The following LYN variants were observed in gnomAD, a reference collection of about 807,000 sequenced individuals.
LYN encodes the protein tyrosine-protein kinase Lyn.
Under a neutral mutation model 65.0 loss-of-function variants are expected in LYN, and 12 were observed. That is an observed-to-expected ratio of 0.18 (90% CI 0.12 to 0.30). The LOEUF (loss-of-function observed/expected upper bound fraction) is 0.30. Among genes scored for constraint, LYN ranks in the 10% least tolerant of loss-of-function variants. LYN has a pLI of 1.00. For missense variants in LYN, 380 were observed against 623.2 expected (o/e 0.61, Z 4.16); for synonymous variants, 222 against 221.2 (o/e 1.00, Z -0.03).
At chr8:55,937,372 AT>A (rs1563518764) in intron 1 of LYN, among the ~76,000 whole-genome samples, 1 of 152,156 alleles carries the variant, frequency 6.6e-6, no homozygotes, top group Non-Finnish European at 1.5e-5. Flanking sequence ...TGTATATATA[AT>A]TTTTTCAATC....
At position 55,984,783 on chromosome 8, in the gene LYN, T is replaced by C. The variant is rs560080323; in HGVS notation, c.1051-13563T>C. Among the ~76,000 whole-genome samples, 5 of 152,394 alleles carry C rather than the reference T, an allele frequency of 3.3e-5. No homozygotes were observed. In the South Asian group the frequency reaches 1.0e-3, roughly 32 times the overall value. On this transcript the variant is annotated intron_variant, in intron 10 of 12. Transcript: ENST00000519728. ...CAGTTCTTCTTGGCTTCACTCGGAA[T>C]GCAGGGGGAAGCCCCCATAAGGCCA...
intron 10 of LYN, among the ~76,000 whole-genome samples, chr8:55,972,938 G>A (rs991936939): frequency 2.2e-4 from 33 of 152,296 alleles, no homozygotes; most frequent in African/African-American, 4.8e-4. Flanking sequence ...TTCCATAACC[G>A]TTGTCAATAG....
chr8:55,914,908 A>G (rs1291018319), intron 1 of LYN, among the ~76,000 whole-genome samples: 1 of 152,150 alleles, frequency 6.6e-6, no homozygotes, highest in East Asian at 1.9e-4. Flanking sequence ...TTCAGGGACA[A>G]CTCAACTTGA....
At chr8:55,947,361 G>A (rs767252080) in intron 3 of LYN, among the ~76,000 whole-genome samples, 33 of 152,210 alleles carry the variant, frequency 2.2e-4, no homozygotes, top group Non-Finnish European at 3.4e-4. Flanking sequence ...GAACATGGGT[G>A]TATAATTTCT....
Position 55,950,666 on chromosome 8 carries a change from G to A in LYN, c.384-15G>A. The A allele has an allele frequency of 1.9e-6, 3 of 1,602,688 alleles. No individual in the cohort carries two copies. Among genetic ancestry groups the A allele is most frequent in the Non-Finnish European group, 2.6e-6 (3 of 1,169,732 alleles). On this transcript the variant is annotated splice_polypyrimidine_tract_variant and intron_variant, in intron 5 of 12. Transcript: ENST00000519728. ...TGGAACATAATATGCAGGAAATGTT[G>A]AAATGTCTTCACAGGTGGTTTTTCA... is the stretch of plus-strand genomic sequence containing the variant.
At chr8:55,976,857 A>T (rs1357766992) in intron 10 of LYN, among the ~76,000 whole-genome samples, 1 of 152,032 alleles carries the variant, frequency 6.6e-6, no homozygotes, top group East Asian at 1.9e-4. Flanking sequence ...ATATGGAGAG[A>T]ACAGCTTAGG....
At chr8:55,885,839 G>A (rs773056987) in intron 1 of LYN, among the ~76,000 whole-genome samples, 13 of 152,052 alleles carry the variant, frequency 8.5e-5, no homozygotes, top group African/African-American at 1.9e-4. Flanking sequence ...TCCACCCCAG[G>A]CCCCTGGGTC....
At chr8:55,908,396 C>G (rs1337604706) in intron 1 of LYN, among the ~76,000 whole-genome samples, 1 of 151,854 alleles carries the variant, frequency 6.6e-6, no homozygotes, top group Non-Finnish European at 1.5e-5. Flanking sequence ...AGGCACCCCC[C>G]ACCGCGACCT....
intron 10 of LYN, among the ~76,000 whole-genome samples, chr8:55,985,027 G>T (rs548768495): frequency 2.6e-5 from 4 of 152,188 alleles, no homozygotes; most frequent in African/African-American, 9.7e-5. Context: ...TGAATAAGCC[G>T]CAGGGGTCCT....
chr8:55,901,734 A>G (rs1331183153), intron 1 of LYN, among the ~76,000 whole-genome samples: 1 of 152,214 alleles, frequency 6.6e-6, no homozygotes, highest in Non-Finnish European at 1.5e-5. Context: ...TAGACTGACC[A>G]CTTCAGATAT....
intron 1 of LYN, among the ~76,000 whole-genome samples, chr8:55,906,761 A>G (rs956368630): frequency 1.2e-4 from 18 of 152,006 alleles, no homozygotes; most frequent in African/African-American, 4.1e-4. Context: ...GAGAGAGAGA[A>G]ATAAATGAAA....
Position 56,013,315 on chromosome 8 carries a change from A to G in LYN, c.*3205A>G, listed in dbSNP as rs1808865809. On this transcript the variant is annotated 3_prime_UTR_variant, in exon 13 of 13. Coordinates refer to ENST00000519728, the MANE Select transcript of LYN (RefSeq NM_002350.4). ...AGAGTCTCACTCTGTCACGCAGGCT[A>G]GAGTTGCAGTGGTGCGATCTCAGCT... 1 of 146,028 alleles carries G rather than the reference A, an allele frequency of 6.8e-6. No homozygotes were observed. The highest frequency in any genetic ancestry group is 1.5e-5 in the Non-Finnish European group (1 of 67,288). 9.0% of individuals were successfully genotyped at this position (146,028 alleles called of 1,614,324 possible).
intron 1 of LYN, among the ~76,000 whole-genome samples, chr8:55,937,372 A>T (rs559533117): frequency 2.0e-5 from 3 of 152,156 alleles, no homozygotes; most frequent in African/African-American, 7.2e-5. Context: ...TGTATATATA[A>T]TTTTTTCAAT....
At chr8:55,911,055 T>C (rs35015766) in intron 1 of LYN, among the ~76,000 whole-genome samples, 32,006 of 54,512 alleles carry the variant, frequency 0.59, 10,552 homozygotes, top group East Asian at 0.95. Flanking sequence ...CACCTCCATG[T>C]CCGGCTAATT....
At chr8:55,976,767 C>T (rs1453943103) in intron 10 of LYN, among the ~76,000 whole-genome samples, 1 of 152,066 alleles carries the variant, frequency 6.6e-6, no homozygotes, top group Non-Finnish European at 1.5e-5. Flanking sequence ...AGGGGTGTGG[C>T]TGCAGGGATG....
At chr8:55,947,026 T>C (rs991275466) in intron 3 of LYN, among the ~76,000 whole-genome samples, 8 of 152,198 alleles carry the variant, frequency 5.3e-5, no homozygotes, top group African/African-American at 1.9e-4. Flanking sequence ...GTTAGGTAGA[T>C]CACCTGTGGT....
chr8:55,883,457 G>T (rs1458257352), intron 1 of LYN, among the ~76,000 whole-genome samples: 2 of 152,104 alleles, frequency 1.3e-5, no homozygotes, highest in Non-Finnish European at 2.9e-5. Flanking sequence ...ACTGCTTTTT[G>T]CTTGGGGGTG....
intron 11 of LYN, 79 bp from the exon 12 acceptor site, chr8:55,999,339 A>G (rs775809489): frequency 1.5e-5 from 20 of 1,290,386 alleles, no homozygotes; most frequent in Admixed American, 2.1e-5. Flanking sequence ...AAAAGAAAAG[A>G]AAGTATGGGG....
Position 55,942,582 on chromosome 8 carries a change from C to T in LYN, c.132+591C>T, listed in dbSNP as rs184666902. On this transcript the variant is annotated intron_variant, in intron 2 of 12. Coordinates refer to ENST00000519728, the MANE Select transcript of LYN (RefSeq NM_002350.4). ...TGGGCAGATCACTAGGTCAGGAGCT[C>T]GAGACCAGCCTGGCCAACATAGTGA... is the stretch of plus-strand genomic sequence containing the variant. 1.5e-3 allele frequency among the ~76,000 whole-genome samples: 233 copies of T among 150,888 alleles called. 1 individual carries two copies. The highest frequency in any genetic ancestry group is 4.6e-3 in the African/African-American group (189 of 41,098).
Sources: allele counts gnomAD v4.1 joint callset (sites outside exome capture counted in the v4.1 genomes callset), GRCh38; gene constraint gnomAD v4.1.1; transcripts MANE v1.5; gene names NCBI Gene and HGNC (gene_info 2026-07-23, HGNC 2026-07-21).